The following UBXN7 variants were observed in gnomAD, a reference collection of about 807,000 sequenced individuals.
UBXN7 encodes the protein UBX domain protein 7.
A neutral mutation model predicts 58.0 loss-of-function variants in UBXN7; 9 were observed. The observed-to-expected ratio is 0.16, with a 90% CI of 0.09 to 0.27. UBXN7 has a LOEUF of 0.27. UBXN7 is among the 10% of genes least tolerant of loss of function. The pLI, the probability that UBXN7 is intolerant of heterozygous loss-of-function variation, is 1.00. For missense variants in UBXN7, 328 were observed against 599.6 expected (o/e 0.55, Z 4.73); for synonymous variants, 208 against 205.0 (o/e 1.01, Z -0.12).
At chr3:196,357,703 C>G (rs1212136117) in intron 10 of UBXN7, among the ~76,000 whole-genome samples, 3 of 151,822 alleles carry the variant, frequency 2.0e-5, no homozygotes, top group African/African-American at 7.3e-5. Flanking sequence ...ACTAAAAATA[C>G]AAAAAAATTA....
At chr3:196,389,976 T>C (rs1729526725) in intron 5 of UBXN7, among the ~76,000 whole-genome samples, 1 of 152,158 alleles carries the variant, frequency 6.6e-6, no homozygotes, top group African/African-American at 2.4e-5. Context: ...CCCAGCACTT[T>C]GGGAACCAAG....
In UBXN7 at chr3:196,372,330, T is replaced by C. The variant is rs868016811; in HGVS notation, c.469-288A>G. ...TCTCTCTCTCTCTCTCTCTCTCCTTTCTTTCTTTCTTTCTTTTTTTTTTTT... is the reference window on the plus strand; with the variant it reads ...TCTCTCTCTCTCTCTCTCTCTCCTTCCTTTCTTTCTTTCTTTTTTTTTTTT... On this transcript the variant is annotated intron_variant, in intron 5 of 10. Coordinates refer to ENST00000296328, the MANE Select transcript of UBXN7 (RefSeq NM_015562.2). Among the ~76,000 whole-genome samples, 345 of 112,952 alleles carry C rather than the reference T, an allele frequency of 3.1e-3. 1 individual carries two copies. The highest frequency in any genetic ancestry group is 8.5e-3 in the African/African-American group (292 of 34,350). 74.1% of individuals were successfully genotyped at this position (112,952 alleles called of 152,430 possible). A position where few individuals can be genotyped will look rare whatever the true frequency, so the allele number is the denominator to read the frequency against.
rs1175154360 is a variant in UBXN7 at position 196,354,841 on chromosome 3, A to G, written c.*1844T>C. 1 of 151,578 alleles carries G rather than the reference A, an allele frequency of 6.6e-6. No homozygotes were observed. Among genetic ancestry groups the G allele is most frequent in the African/African-American group, 2.4e-5 (1 of 41,364 alleles). The allele number at this position is 151,578 out of a possible 1,614,324, so 9.4% of individuals were successfully genotyped here. Reference sequence around the variant, plus strand: ...TCAAGGTAGAAATGAAACCGTAATTATATAAATATATTTATAAATATTTAT... The same window carrying G: ...TCAAGGTAGAAATGAAACCGTAATTGTATAAATATATTTATAAATATTTAT... On this transcript the variant is annotated 3_prime_UTR_variant, in exon 11 of 11. Coordinates refer to ENST00000296328, the MANE Select transcript of UBXN7 (RefSeq NM_015562.2).
intron 5 of UBXN7, among the ~76,000 whole-genome samples, chr3:196,377,847 C>T (rs1276193897): frequency 6.6e-6 from 1 of 151,916 alleles, no homozygotes; most frequent in Non-Finnish European, 1.5e-5. Flanking sequence ...ATTTTTTCGA[C>T]TTTTTGTAGA....
chr3:196,392,640 T>C (rs145689066), intron 4 of UBXN7, among the ~76,000 whole-genome samples: 19,139 of 150,782 alleles, frequency 0.13, 1,466 homozygotes, highest in South Asian at 0.21. Flanking sequence ...TCATCTCTAC[T>C]AAAAATACAA....
chr3:196,374,875 AGGGGAGGGGAGGGGGAGGGGAG>A (rs1728945559), intron 5 of UBXN7, among the ~76,000 whole-genome samples: 1 of 20,212 alleles, frequency 4.9e-5, no homozygotes, highest in Non-Finnish European at 9.4e-5. Flanking sequence ...AGGGGAGGGG[AGGGGAGGGGAGGGGGAGGGGAG>A]GGGGGGAGGG....
chr3:196,368,260 C>G, intron 7 of UBXN7, 105 bp from the exon 8 acceptor site: 1 of 1,153,732 alleles, frequency 8.7e-7, no homozygotes, highest in Non-Finnish European at 1.2e-6. Context: ...TCTGAACACT[C>G]TCATTAAGTA....
rs576113120 is a variant in UBXN7, at chr3:196,416,487, A to C, written c.74-9094T>G. On this transcript the variant is annotated intron_variant, in intron 1 of 10. Transcript: ENST00000296328. The stretch of plus-strand genomic sequence containing the variant: ...AACTTAAAAATGCCACTGCATACAA[A>C]TATTGTTGCCACCCTTTCTACCACC... Among the ~76,000 whole-genome samples the C allele has an allele frequency of 5.3e-5, 8 of 152,254 alleles. No individual in the cohort carries two copies. In the East Asian group the frequency reaches 1.3e-3, roughly 26 times the overall value.
chr3:196,349,549 G>A lies in UBXN7; in HGVS notation c.*7136C>T, dbSNP rs1394943107. 1.3e-5 allele frequency: 2 copies of A among 152,160 alleles called. No homozygotes were observed. The highest frequency in any genetic ancestry group is 2.9e-5 in the Non-Finnish European group (2 of 68,030). The allele number at this position is 152,160 out of a possible 1,614,324, so 9.4% of individuals were successfully genotyped here. Reference sequence around the variant, plus strand: ...AAATCATGTTGCTGCAAACAGCAAGGCATCCAGCTGAGTGTAAGCAGTCTA... The same window carrying A: ...AAATCATGTTGCTGCAAACAGCAAGACATCCAGCTGAGTGTAAGCAGTCTA... On this transcript the variant is annotated 3_prime_UTR_variant, in exon 11 of 11. Coordinates refer to ENST00000296328, the MANE Select transcript of UBXN7 (RefSeq NM_015562.2).
At chr3:196,363,633 C>A (rs1434071157) in intron 8 of UBXN7, among the ~76,000 whole-genome samples, 1 of 152,066 alleles carries the variant, frequency 6.6e-6, no homozygotes, top group Non-Finnish European at 1.5e-5. Flanking sequence ...AGTGAACACA[C>A]AAATGATAAC....
chr3:196,401,202 G>A (rs376718310), intron 3 of UBXN7, among the ~76,000 whole-genome samples: 90 of 117,234 alleles, frequency 7.7e-4, no homozygotes, highest in East Asian at 6.3e-3. Context: ...ACCTGAGCTC[G>A]GGAGTTCAAG....
intron 1 of UBXN7, among the ~76,000 whole-genome samples, chr3:196,425,373 CTCTT>C (rs1368771679): frequency 2.0e-5 from 3 of 150,198 alleles, no homozygotes; most frequent in Non-Finnish European, 4.4e-5. Flanking sequence ...AGCCAAGTAA[CTCTT>C]TCTTTAAAAA....
chr3:196,389,781 A>T (rs1729521013), intron 5 of UBXN7, among the ~76,000 whole-genome samples: 1 of 152,216 alleles, frequency 6.6e-6, no homozygotes, highest in African/African-American at 2.4e-5. Context: ...CCTTTCTAGC[A>T]ATGCAAGCAA....
At chr3:196,380,345 G>T (rs1435943227) in intron 5 of UBXN7, among the ~76,000 whole-genome samples, 1 of 152,150 alleles carries the variant, frequency 6.6e-6, no homozygotes, top group East Asian at 1.9e-4. Context: ...AGCAAACATG[G>T]TGGTAAGGCA....
chr3:196,371,667 G>C (rs1429733312), intron 6 of UBXN7, among the ~76,000 whole-genome samples: 1 of 152,118 alleles, frequency 6.6e-6, no homozygotes, highest in Non-Finnish European at 1.5e-5. Flanking sequence ...ATTTTTAGGA[G>C]AGACAGGGTT....
Position 196,361,065 on chromosome 3 carries a change from A to C in UBXN7, c.1308+779T>G. The stretch of plus-strand genomic sequence containing the variant: ...ATTCAGCAGTCTAAATACCATTAAG[A>C]ACATTCACAACTCATAGGAAGTCAA... On this transcript the variant is annotated intron_variant, in intron 10 of 10. Transcript: ENST00000296328. 1.3e-5 allele frequency among the ~76,000 whole-genome samples: 2 copies of C among 152,274 alleles called. 1 individual carries two copies. The highest frequency in any genetic ancestry group is 6.8e-3 in the Middle Eastern group (2 of 294).
chr3:196,348,514 A>G lies in UBXN7; in HGVS notation c.*8171T>C, dbSNP rs1728136537. 1 of 152,206 alleles carries G rather than the reference A, an allele frequency of 6.6e-6. No individual in the cohort carries two copies. Among genetic ancestry groups the G allele is most frequent in the South Asian group, 2.1e-4 (1 of 4,832 alleles). 9.4% of individuals were successfully genotyped at this position (152,206 alleles called of 1,614,324 possible). ...TGCATTAAGAATGCAAATCTCAGTA[A>G]GACCACCCCCACACACACTTTGTCC... On this transcript the variant is annotated 3_prime_UTR_variant, in exon 11 of 11. Transcript: ENST00000296328.
chr3:196,404,634 C>T (rs757246071), intron 2 of UBXN7, among the ~76,000 whole-genome samples: 19 of 152,032 alleles, frequency 1.2e-4, no homozygotes, highest in Non-Finnish European at 2.1e-4. Flanking sequence ...TGTTGGAACT[C>T]CAAAACATCC....
chr3:196,423,878 T>A (rs1033393448), intron 1 of UBXN7, among the ~76,000 whole-genome samples: 11 of 149,112 alleles, frequency 7.4e-5, no homozygotes, highest in African/African-American at 2.7e-4. Context: ...ATTTACAAAA[T>A]AATTTTTCAC....
Sources: gnomAD v4.1 joint callset for allele counts (sites outside exome capture counted in the v4.1 genomes callset) on GRCh38, gnomAD v4.1.1 for gene constraint, MANE v1.5 for transcripts, NCBI Gene and HGNC (gene_info 2026-07-23, HGNC 2026-07-21) for gene names.